The following KCNH5 variants were observed in gnomAD, a reference collection of about 807,000 sequenced individuals.
The protein encoded by KCNH5 is voltage-gated delayed rectifier potassium channel KCNH5.
KCNH5 carries 46 observed loss-of-function variants against 96.1 expected under a neutral mutation model. That is an observed-to-expected ratio of 0.48 (90% CI 0.38 to 0.61). KCNH5 has a LOEUF of 0.61. KCNH5 is among the 20% of genes least tolerant of loss of function. The probability of loss-of-function intolerance (pLI) is 0.00; values close to 1 mark genes in which losing one functional copy is unlikely to be tolerated. For missense variants in KCNH5, 907 were observed against 1,225.8 expected, an observed-to-expected ratio of 0.74 and a Z score of 3.88; for synonymous variants, 439 against 449.8, an observed-to-expected ratio of 0.98 and a Z score of 0.30.
At chr14:62,946,071 A>G (rs927147488) in intron 7 of KCNH5, among the ~76,000 whole-genome samples, 1 of 152,068 alleles carries the variant, frequency 6.6e-6, no homozygotes, top group African/African-American at 2.4e-5. Flanking sequence ...TAAGAAAATT[A>G]GGAAGATATA....
At chr14:62,801,659 C>G (rs1430604111) in intron 9 of KCNH5, among the ~76,000 whole-genome samples, 2 of 151,822 alleles carry the variant, frequency 1.3e-5, no homozygotes, top group African/African-American at 2.4e-5. Context: ...CTAAAATGCT[C>G]TAAATTTTAA....
At chr14:62,756,543 C>T (rs1259085180) in intron 10 of KCNH5, among the ~76,000 whole-genome samples, 1 of 152,132 alleles carries the variant, frequency 6.6e-6, no homozygotes, top group Non-Finnish European at 1.5e-5. Flanking sequence ...TAACTGACTT[C>T]AAATTATACA....
chr14:62,956,748 G>T (rs1306456189), intron 6 of KCNH5, among the ~76,000 whole-genome samples: 1 of 151,962 alleles, frequency 6.6e-6, no homozygotes, highest in Non-Finnish European at 1.5e-5. Flanking sequence ...ATTCCTGTTG[G>T]CAAGTTTAAT....
intron 10 of KCNH5, among the ~76,000 whole-genome samples, chr14:62,726,130 C>T (rs2139918661): frequency 6.6e-6 from 1 of 152,212 alleles, no homozygotes; most frequent in African/African-American, 2.4e-5. Context: ...TTACCTCACA[C>T]CGTATAACTA....
chr14:62,789,900 G>C (rs1886396437), intron 9 of KCNH5, among the ~76,000 whole-genome samples: 1 of 151,818 alleles, frequency 6.6e-6, no homozygotes, highest in African/African-American at 2.4e-5. Flanking sequence ...AAACGTTTTA[G>C]TGTGATGTAA....
intron 2 of KCNH5, among the ~76,000 whole-genome samples, chr14:63,015,190 G>T (rs574848217): frequency 6.6e-6 from 1 of 152,178 alleles, no homozygotes; most frequent in Admixed American, 6.6e-5. Context: ...TCTCAAGCCT[G>T]GATAGGCACC....
At chr14:62,891,283 T>C (rs572077142) in intron 7 of KCNH5, among the ~76,000 whole-genome samples, 1 of 152,194 alleles carries the variant, frequency 6.6e-6, no homozygotes, top group Non-Finnish European at 1.5e-5. Flanking sequence ...GAGGCTATTA[T>C]CCTCAGCAAA....
Position 62,868,602 on chromosome 14 carries a change from G to A in KCNH5, c.1370-18750C>T, listed in dbSNP as rs554480570. 1.6e-4 allele frequency among the ~76,000 whole-genome samples: 25 copies of A among 151,776 alleles called. No homozygotes were observed. The Middle Eastern group carries it at 0.014, about 83-fold the overall frequency. ...AAGTTCTGGGACATATGTGCTGAAC[G>A]TGCAGGTTTGTTACACAGGTATACA... On this transcript the variant is annotated intron_variant, in intron 7 of 10. Coordinates refer to ENST00000322893, the MANE Select transcript of KCNH5 (RefSeq NM_139318.5).
At chr14:62,991,706 T>C (rs1288558235) in intron 4 of KCNH5, among the ~76,000 whole-genome samples, 1 of 151,986 alleles carries the variant, frequency 6.6e-6, no homozygotes, top group Admixed American at 6.6e-5. Flanking sequence ...CTTCTTGCAG[T>C]TCCAGTTCCA....
chr14:62,815,288 T>C (rs1334649253), intron 8 of KCNH5, among the ~76,000 whole-genome samples: 1 of 152,146 alleles, frequency 6.6e-6, no homozygotes, highest in African/African-American at 2.4e-5. Flanking sequence ...CCAGAGTTGG[T>C]TAATTCCTGA....
intron 7 of KCNH5, among the ~76,000 whole-genome samples, chr14:62,875,966 A>G (rs929241349): frequency 3.3e-5 from 5 of 152,200 alleles, no homozygotes; most frequent in African/African-American, 1.2e-4. Flanking sequence ...CAGGAGTTTG[A>G]GAACAGCCTG....
chr14:62,899,660 G>A (rs929312468), intron 7 of KCNH5, among the ~76,000 whole-genome samples: 2 of 149,658 alleles, frequency 1.3e-5, no homozygotes, highest in Admixed American at 6.8e-5. Flanking sequence ...GTGAAACCCC[G>A]TCTCTACTAA....
At chr14:62,924,994 G>A (rs1889446526) in intron 7 of KCNH5, among the ~76,000 whole-genome samples, 2 of 151,856 alleles carry the variant, frequency 1.3e-5, no homozygotes, top group Non-Finnish European at 2.9e-5. Context: ...ACTGTGAGGT[G>A]GTGGATATGT....
intron 7 of KCNH5, among the ~76,000 whole-genome samples, chr14:62,870,418 G>T (rs1888230358): frequency 6.6e-6 from 1 of 152,136 alleles, no homozygotes; most frequent in African/African-American, 2.4e-5. Context: ...GAGTAGTAAT[G>T]AATCATTTGA....
chr14:62,973,188 C>T (rs1298644110), intron 6 of KCNH5, among the ~76,000 whole-genome samples: 2 of 151,980 alleles, frequency 1.3e-5, no homozygotes, highest in Non-Finnish European at 2.9e-5. Flanking sequence ...AAATTAAAGT[C>T]TATTTTTAAA....
At chr14:62,884,991 C>T (rs1343381157) in intron 7 of KCNH5, among the ~76,000 whole-genome samples, 1 of 152,004 alleles carries the variant, frequency 6.6e-6, no homozygotes, top group Non-Finnish European at 1.5e-5. Flanking sequence ...TGCCAGTGTA[C>T]AAAAAACAAC....
chr14:62,730,497 A>G (rs1161183644), intron 10 of KCNH5, among the ~76,000 whole-genome samples: 2 of 152,230 alleles, frequency 1.3e-5, no homozygotes, highest in African/African-American at 4.8e-5. Flanking sequence ...AATTACTACA[A>G]TCAATAACAT....
intron 7 of KCNH5, among the ~76,000 whole-genome samples, chr14:62,861,674 A>ACACACACACG: frequency 7.2e-6 from 1 of 139,658 alleles, no homozygotes; most frequent in African/African-American, 3.1e-5. Flanking sequence ...ACACACACAC[A>ACACACACACG]CGGTATAATT....
intron 7 of KCNH5, among the ~76,000 whole-genome samples, chr14:62,890,003 T>C (rs998609204): frequency 1.2e-4 from 18 of 152,154 alleles, no homozygotes; most frequent in Admixed American, 8.5e-4. Flanking sequence ...ATTCAATAAA[T>C]GGTGCTGGGA....
Sources: gnomAD v4.1 joint callset for allele counts (sites outside exome capture counted in the v4.1 genomes callset) on GRCh38, gnomAD v4.1.1 for gene constraint, MANE v1.5 for transcripts, NCBI Gene and HGNC (gene_info 2026-07-23, HGNC 2026-07-21) for gene names.